LARGE1: variants seen among roughly 807,000 people sequenced by gnomAD.
The protein encoded by LARGE1 is LARGE xylosyl- and glucuronyltransferase 1, also known as xylosyl- and glucuronyltransferase LARGE1.
A neutral mutation model predicts 87.6 loss-of-function variants in LARGE1; 43 were observed. That is an observed-to-expected ratio of 0.49 (90% confidence interval 0.38 to 0.63). LARGE1 has a LOEUF of 0.63. Among genes scored for constraint, LARGE1 ranks in the 30% least tolerant of loss-of-function variants. The pLI, the probability that LARGE1 is intolerant of heterozygous loss-of-function variation, is 0.00. For synonymous variants in LARGE1, 434 were observed against 394.6 expected (o/e 1.10, Z -1.18); for missense variants, 802 against 1,000.2 (o/e 0.80, Z 2.67).
At chr22:33,296,413 G>A (rs986849960) in intron 12 of LARGE1, among the ~76,000 whole-genome samples, 6 of 152,094 alleles carry the variant, frequency 3.9e-5, no homozygotes, top group Admixed American at 1.3e-4. Flanking sequence ...TGGTGTATAG[G>A]ATACATTTGG....
chr22:33,738,619 G>A (rs186487492), intron 2 of LARGE1, among the ~76,000 whole-genome samples: 33 of 152,264 alleles, frequency 2.2e-4, no homozygotes, highest in African/African-American at 7.0e-4. Context: ...CAGCACTTTC[G>A]GAGGCCGAGG....
chr22:33,584,599 T>A (rs1197600279), intron 5 of LARGE1, among the ~76,000 whole-genome samples: 1 of 151,922 alleles, frequency 6.6e-6, no homozygotes, highest in East Asian at 1.9e-4. Flanking sequence ...TTCCTCCTAA[T>A]CAGATGAGAA....
chr22:33,606,382 G>A (rs1000121179), intron 4 of LARGE1, among the ~76,000 whole-genome samples: 15 of 151,430 alleles, frequency 9.9e-5, no homozygotes, highest in Admixed American at 7.9e-4. Context: ...TCCAGCCTGG[G>A]TGATGGAGCG....
downstream of LARGE1, among the ~76,000 whole-genome samples, chr22:33,159,827 T>C (rs191295469): frequency 4.7e-4 from 71 of 151,558 alleles, no homozygotes; most frequent in African/African-American, 1.6e-3. Context: ...GACCTTATGA[T>C]CCACCCGCCT....
rs376037950 is a variant in LARGE1 at position 33,407,897 on chromosome 22, G to A, written c.893-23593C>T. Among the ~76,000 whole-genome samples the A allele has an allele frequency of 3.3e-5, 5 of 151,812 alleles. No individual in the cohort carries two copies. In the East Asian group the frequency reaches 9.6e-4, roughly 29 times the overall value. ...AGAGACACTCTGTAAAAGAAAATAC[G>A]TTTATTTGGGAATTAAATATTGTAA... On this transcript the variant is annotated intron_variant, in intron 7 of 14. Coordinates refer to ENST00000397394, the MANE Select transcript of LARGE1 (RefSeq NM_133642.5).
In LARGE1 at chr22:33,599,082, C is replaced by T. The variant is rs2079050247; in HGVS notation, c.615+5353G>A. The stretch of plus-strand genomic sequence containing the variant: ...TCAACAGTGGTAACCAACAGTCATT[C>T]CCCAGGGGCTGTGGTCCATATCTTT... On this transcript the variant is annotated intron_variant, in intron 5 of 14. Transcript: ENST00000397394. Among the ~76,000 whole-genome samples the T allele has an allele frequency of 2.0e-5, 3 of 152,204 alleles. 1 individual carries two copies. Among genetic ancestry groups the T allele is most frequent in the Non-Finnish European group, 4.4e-5 (3 of 68,028 alleles).
intron 6 of LARGE1, among the ~76,000 whole-genome samples, chr22:33,464,915 G>T (rs537700608): frequency 1.4e-5 from 2 of 141,992 alleles, no homozygotes; most frequent in African/African-American, 6.0e-5. Context: ...ACATACACAT[G>T]CACACATACA....
chr22:33,607,461 CAAAAAAAAAA>C (rs1217376084), intron 4 of LARGE1, among the ~76,000 whole-genome samples: 4 of 58,034 alleles, frequency 6.9e-5, no homozygotes, highest in African/African-American at 1.4e-4. Context: ...AACTGCATCT[CAAAAAAAAAA>C]AAAAAAAAAA....
intron 6 of LARGE1, among the ~76,000 whole-genome samples, chr22:33,452,263 A>T (rs778780425): frequency 6.6e-6 from 1 of 152,162 alleles, no homozygotes; most frequent in Non-Finnish European, 1.5e-5. Flanking sequence ...ACAAAAAGGA[A>T]AGGAGATAAG....
At chr22:33,545,094 A>G (rs2077318459) in intron 6 of LARGE1, among the ~76,000 whole-genome samples, 1 of 152,106 alleles carries the variant, frequency 6.6e-6, no homozygotes, top group Non-Finnish European at 1.5e-5. Context: ...CAAAACCACA[A>G]CAACAAAAAG....
intron 5 of LARGE1, among the ~76,000 whole-genome samples, chr22:33,577,421 A>G (rs1218547730): frequency 6.6e-6 from 1 of 152,224 alleles, no homozygotes; most frequent in Non-Finnish European, 1.5e-5. Flanking sequence ...TGCTGAATCC[A>G]ACAGTTCTTT....
At chr22:33,220,373 G>GA (rs1165098743) in intron 11 of LARGE1, among the ~76,000 whole-genome samples, 1 of 151,958 alleles carries the variant, frequency 6.6e-6, no homozygotes, top group African/African-American at 2.4e-5. Context: ...TTTAAAACGT[G>GA]AAAAAAATCA....
intron 11 of LARGE1, among the ~76,000 whole-genome samples, chr22:33,255,884 GT>G (rs1217660050): frequency 1.3e-5 from 2 of 152,186 alleles, no homozygotes; most frequent in Non-Finnish European, 2.9e-5. Flanking sequence ...TGAAGAGTCA[GT>G]TCCCGGGATC....
exon 12 of LARGE1, chr22:33,166,575 G>A (rs897983588): frequency 1.9e-5 from 7 of 361,766 alleles, no homozygotes; most frequent in African/African-American, 1.3e-4. Flanking sequence ...CACCTGCCAT[G>A]TACTACTTCA....
chr22:33,425,210 C>T (rs898780955), intron 7 of LARGE1, among the ~76,000 whole-genome samples: 4 of 151,876 alleles, frequency 2.6e-5, no homozygotes, highest in Admixed American at 6.6e-5. Context: ...TGCAGTGAGC[C>T]GAGATATTGC....
intron 2 of LARGE1, among the ~76,000 whole-genome samples, chr22:33,691,507 G>A (rs77136378): frequency 0.021 from 3,171 of 152,176 alleles, 50 homozygotes; most frequent in Non-Finnish European, 0.035. Context: ...AAGAAACTAC[G>A]CAAGCTCAAG....
chr22:33,617,374 T>TA (rs1689229721), intron 4 of LARGE1, among the ~76,000 whole-genome samples: 1 of 152,222 alleles, frequency 6.6e-6, no homozygotes, highest in Non-Finnish European at 1.5e-5. Flanking sequence ...CCTATGAGTC[T>TA]ACATCCTATT....
intron 1 of LARGE1, among the ~76,000 whole-genome samples, chr22:33,886,940 A>C (rs1487986026): frequency 6.6e-6 from 1 of 152,106 alleles, no homozygotes; most frequent in Admixed American, 6.6e-5. Flanking sequence ...CTATAAAGTC[A>C]ACTGGGAAAA....
chr22:33,134,444 A>T, the LARGE1 span, among the ~76,000 whole-genome samples: 1 of 152,052 alleles, frequency 6.6e-6, no homozygotes, highest in African/African-American at 2.4e-5. Context: ...TTTTTAGTAG[A>T]GACGGGATTT....
Sources: gnomAD v4.1 joint callset for allele counts (sites outside exome capture counted in the v4.1 genomes callset) on GRCh38, gnomAD v4.1.1 for gene constraint, MANE v1.5 for transcripts, NCBI Gene and HGNC (gene_info 2026-07-23, HGNC 2026-07-21) for gene names.